Variants in ARMH1 observed in about 807,000 individuals in gnomAD.
ARMH1 encodes armadillo-like helical domain containing protein 1.
A neutral mutation model predicts 50.2 loss-of-function variants in ARMH1; 34 were observed. That is an observed-to-expected ratio of 0.68 (90% CI 0.51 to 0.90). ARMH1 has a LOEUF of 0.90. ARMH1 is among the 40% of genes least tolerant of loss of function. The pLI, the probability that ARMH1 is intolerant of heterozygous loss-of-function variation, is 0.00. For missense variants in ARMH1, 538 were observed against 553.9 expected (o/e 0.97, Z 0.29); for synonymous variants, 221 against 224.2 (o/e 0.99, Z 0.13).
intron 6 of ARMH1, chr1:44,721,916 T>G (rs1557570602): frequency 1.3e-5 from 2 of 152,184 alleles, no homozygotes; most frequent in Non-Finnish European, 2.9e-5. Context: ...CTGTTAGCCT[T>G]TTGCCTGGCT....
At chr1:44,679,159 T>C (rs1645228892) in intron 1 of ARMH1, among the ~76,000 whole-genome samples, 1 of 152,246 alleles carries the variant, frequency 6.6e-6, no homozygotes, top group Non-Finnish European at 1.5e-5. Flanking sequence ...GGATTTTTAA[T>C]TTCGCGTGCT....
At chr1:44,725,103 C>A (rs907330273) in intron 10 of ARMH1, 33 bp from the exon 11 acceptor site, 13 of 1,551,420 alleles carry the variant, frequency 8.4e-6, no homozygotes, top group Non-Finnish European at 1.1e-5. Context: ...TGCCCTGGCA[C>A]CCCAGCCGGG....
intron 6 of ARMH1, among the ~76,000 whole-genome samples, chr1:44,718,363 C>G (rs1331957305): frequency 1.3e-5 from 2 of 152,126 alleles, no homozygotes; most frequent in African/African-American, 4.8e-5. Flanking sequence ...GACCACTTGG[C>G]TCCAAAAAAA....
intron 3 of ARMH1, 35 bp from the exon 4 acceptor site, chr1:44,698,026 AAG>A (rs1478602151): frequency 6.7e-7 from 1 of 1,489,360 alleles, no homozygotes; most frequent in Non-Finnish European, 9.0e-7. Context: ...GGAACTTGAC[AAG>A]AGTTTTATTT....
chr1:44,707,956 C>T (rs1020194619), intron 6 of ARMH1, among the ~76,000 whole-genome samples: 4 of 152,020 alleles, frequency 2.6e-5, no homozygotes. Context: ...ATAACAGGTG[C>T]GCACAAAAAA....
intron 6 of ARMH1, among the ~76,000 whole-genome samples, chr1:44,722,605 G>A (rs1203342597): frequency 1.3e-5 from 2 of 151,788 alleles, no homozygotes; most frequent in African/African-American, 4.8e-5. Context: ...TCAGCCGGGC[G>A]TGGTGGCAGA....
Position 44,724,936 on chromosome 1 carries a change from G to A in ARMH1, c.1128+97G>A. The A allele has an allele frequency of 6.7e-7, 1 of 1,502,024 alleles. No homozygotes were observed. The highest frequency in any genetic ancestry group is 1.3e-5 in the South Asian group (1 of 76,798). 93.0% of individuals were successfully genotyped at this position (1,502,024 alleles called of 1,614,324 possible). ...GTCCCCATCCTGGAGCGCGCCACAT[G>A]CAGAGTGGACCTGGCCACCAGCTGC... On this transcript the variant is annotated intron_variant, in intron 10 of 11. Coordinates refer to ENST00000535358, the MANE Select transcript of ARMH1 (RefSeq NM_001145636.2). The surrounding 1 kb of genome is among the most constrained non-coding windows in gnomAD (Gnocchi z 6.4).
intron 1 of ARMH1, among the ~76,000 whole-genome samples, chr1:44,679,111 G>A (rs916009492): frequency 6.6e-6 from 1 of 152,292 alleles, no homozygotes; most frequent in East Asian, 1.9e-4. Context: ...AGGTTAGAAG[G>A]CCACAAACAA....
chr1:44,699,098 C>T (rs1172014120), intron 4 of ARMH1, among the ~76,000 whole-genome samples: 3 of 151,716 alleles, frequency 2.0e-5, no homozygotes, highest in South Asian at 2.1e-4. Context: ...CTGGCTAACA[C>T]GGTGAAACCC....
At chr1:44,700,299 T>G (rs1646011367) in intron 4 of ARMH1, among the ~76,000 whole-genome samples, 1 of 152,196 alleles carries the variant, frequency 6.6e-6, no homozygotes, top group Admixed American at 6.5e-5. Context: ...TGTAAAACCA[T>G]TTTGCAAACT....
At chr1:44,685,287 CT>C (rs1372110499) in intron 1 of ARMH1, among the ~76,000 whole-genome samples, 1 of 151,412 alleles carries the variant, frequency 6.6e-6, no homozygotes, top group Non-Finnish European at 1.5e-5. Flanking sequence ...GTAACAGCAA[CT>C]GGGGAGGGTG....
chr1:44,710,150 G>A (rs866495914), intron 6 of ARMH1, among the ~76,000 whole-genome samples: 2 of 152,072 alleles, frequency 1.3e-5, no homozygotes, highest in East Asian at 1.9e-4. Flanking sequence ...TGACCAAACC[G>A]AACAGACATG....
chr1:44,721,680 GACCAC>G (rs1474422815), intron 6 of ARMH1: 7 of 151,922 alleles, frequency 4.6e-5, no homozygotes, highest in African/African-American at 1.5e-4. Context: ...AGTGAGCCGC[GACCAC>G]ACCACTCCGC....
intron 1 of ARMH1, among the ~76,000 whole-genome samples, chr1:44,675,396 C>T (rs1487562359): frequency 6.6e-6 from 1 of 152,134 alleles, no homozygotes; most frequent in African/African-American, 2.4e-5. Context: ...CGCGGTGGCT[C>T]AAACTCGTAA....
At chr1:44,710,080 C>G (rs1333451623) in intron 6 of ARMH1, among the ~76,000 whole-genome samples, 2 of 152,108 alleles carry the variant, frequency 1.3e-5, no homozygotes, top group African/African-American at 4.8e-5. Flanking sequence ...TGAGCGAACT[C>G]TCGCACTAAC....
chr1:44,695,888 T>C (rs925675342), intron 2 of ARMH1, among the ~76,000 whole-genome samples: 2 of 147,650 alleles, frequency 1.4e-5, no homozygotes, highest in Non-Finnish European at 3.0e-5. Context: ...AAGCCTACAG[T>C]GAGCTGTGAT....
intron 4 of ARMH1, among the ~76,000 whole-genome samples, chr1:44,700,513 G>A (rs985682123): frequency 2.2e-4 from 33 of 151,632 alleles, no homozygotes; most frequent in Non-Finnish European, 2.5e-4. Flanking sequence ...CTACCTGGGA[G>A]GCTGAGGCAA....
intron 1 of ARMH1, among the ~76,000 whole-genome samples, chr1:44,685,537 C>T (rs1371184880): frequency 6.6e-6 from 1 of 152,102 alleles, no homozygotes; most frequent in Non-Finnish European, 1.5e-5. Context: ...TCTCAAACTC[C>T]TGGGCTCAAG....
intron 6 of ARMH1, among the ~76,000 whole-genome samples, chr1:44,711,345 C>A (rs1244353031): frequency 6.6e-6 from 1 of 152,218 alleles, no homozygotes; most frequent in African/African-American, 2.4e-5. Flanking sequence ...TTCTCCACTT[C>A]CTCACCAAAC....
Sources: gnomAD v4.1 joint callset for allele counts (sites outside exome capture counted in the v4.1 genomes callset) on GRCh38, gnomAD v4.1.1 for gene constraint, Gnocchi (gnomAD v3.1) non-coding constraint, MANE v1.5 for transcripts, NCBI Gene and HGNC (gene_info 2026-07-23, HGNC 2026-07-21) for gene names.